The following MAP3K13 variants were observed in gnomAD, a reference collection of about 807,000 sequenced individuals.
MAP3K13 encodes leucine zipper-bearing kinase.
In MAP3K13, 52 loss-of-function variants were observed where a neutral mutation model predicts 104.0. The ratio of observed to expected loss-of-function variants is 0.50; its 90% CI spans 0.40 to 0.63. The LOEUF is 0.63. Among genes scored for constraint, MAP3K13 ranks in the 20% least tolerant of loss-of-function variants. MAP3K13 has a pLI of 0.00. For synonymous variants in MAP3K13, 394 were observed against 442.2 expected (o/e 0.89, Z 1.37); for missense variants, 914 against 1,218.5 (o/e 0.75, Z 3.72).
At chr3:185,453,614 C>CAAAAAA (rs1716014127) in intron 7 of MAP3K13, among the ~76,000 whole-genome samples, 1 of 151,346 alleles carries the variant, frequency 6.6e-6, no homozygotes, top group African/African-American at 2.4e-5. Flanking sequence ...ACTAAAAATA[C>CAAAAAA]AAAAATTAGC....
chr3:185,318,312 A>G (rs1398702032), intron 2 of MAP3K13, among the ~76,000 whole-genome samples: 1 of 152,234 alleles, frequency 6.6e-6, no homozygotes, highest in Non-Finnish European at 1.5e-5. Flanking sequence ...AAACATACCA[A>G]GTTCTTGCTC....
chr3:185,396,200 G>C (rs1301040277), intron 1 of MAP3K13, among the ~76,000 whole-genome samples: 1 of 151,770 alleles, frequency 6.6e-6, no homozygotes, highest in African/African-American at 2.4e-5. Flanking sequence ...GTGAAACCCC[G>C]TCTCTACTAA....
chr3:185,295,265 G>A lies in MAP3K13; in HGVS notation c.-86+9622G>A, dbSNP rs142717822. On this transcript the variant is annotated intron_variant, in intron 2 of 14. Transcript: ENST00000424227. ...CTGTCGCCCAGGCTGGAGTGCAGTG[G>A]TGCAATCTTGGCTCACTGCAACCTC... Among the ~76,000 whole-genome samples, 319 of 152,250 alleles carry A rather than the reference G, an allele frequency of 2.1e-3. 2 individuals carry two copies. The highest frequency in any genetic ancestry group is 7.0e-3 in the African/African-American group (291 of 41,530).
intron 2 of MAP3K13, among the ~76,000 whole-genome samples, chr3:185,319,543 G>A (rs1239301326): frequency 1.3e-5 from 2 of 152,198 alleles, no homozygotes; most frequent in African/African-American, 4.8e-5. Flanking sequence ...AGGGTGCCTT[G>A]GCACACCAGT....
Position 185,300,272 on chromosome 3 carries a change from C to T in MAP3K13, c.-86+14629C>T, listed in dbSNP as rs147356794. On this transcript the variant is annotated intron_variant, in intron 2 of 14. Coordinates refer to the MAP3K13 transcript ENST00000424227. ...TGGCACGATCTCGGCTTATTGCAAC[C>T]TCCGCCTCCCCGGTTCAAGCTATTC... Among the ~76,000 whole-genome samples, 74 of 151,456 alleles carry T rather than the reference C, an allele frequency of 4.9e-4. No individual in the cohort carries two copies. The East Asian group carries it at 0.013, about 26-fold the overall frequency.
chr3:185,476,064 A>G (rs1449221918), intron 11 of MAP3K13, among the ~76,000 whole-genome samples: 1 of 152,106 alleles, frequency 6.6e-6, no homozygotes, highest in African/African-American at 2.4e-5. Flanking sequence ...ACCACGACCA[A>G]TTTTACAACA....
chr3:185,395,067 G>A (rs1430533358), intron 1 of MAP3K13, among the ~76,000 whole-genome samples: 1 of 152,056 alleles, frequency 6.6e-6, no homozygotes, highest in Non-Finnish European at 1.5e-5. Flanking sequence ...GATATATTTA[G>A]TACTGATCTC....
chr3:185,460,335 C>G (rs1156295768), intron 7 of MAP3K13, among the ~76,000 whole-genome samples: 3 of 152,040 alleles, frequency 2.0e-5, no homozygotes, highest in Non-Finnish European at 4.4e-5. Context: ...TTTGGAGCAA[C>G]CCTATTAACT....
At chr3:185,397,032 CTTGT>C (rs1302112835) in intron 1 of MAP3K13, among the ~76,000 whole-genome samples, 1 of 84,582 alleles carries the variant, frequency 1.2e-5, no homozygotes, top group East Asian at 3.2e-4. Flanking sequence ...CGTATTCATT[CTTGT>C]TTGTTTTTTT....
chr3:185,478,599 CTT>C (rs1296843686), intron 12 of MAP3K13, among the ~76,000 whole-genome samples: 1 of 152,060 alleles, frequency 6.6e-6, no homozygotes, highest in Admixed American at 6.6e-5. Context: ...CATAAAATCT[CTT>C]TGTACTAGGC....
At chr3:185,407,446 C>T (rs943508365) in intron 1 of MAP3K13, among the ~76,000 whole-genome samples, 8 of 152,142 alleles carry the variant, frequency 5.3e-5, no homozygotes, top group Admixed American at 1.3e-4. Context: ...CAAAATAGAA[C>T]GTTATAACTA....
At chr3:185,407,598 T>G (rs114773801) in intron 1 of MAP3K13, among the ~76,000 whole-genome samples, 3,095 of 152,298 alleles carry the variant, frequency 0.02, 52 homozygotes, top group Non-Finnish European at 0.031. Flanking sequence ...CTTCTGGTGA[T>G]TCTACTATTG....
intron 2 of MAP3K13, among the ~76,000 whole-genome samples, chr3:185,348,376 T>C (rs546275746): frequency 1.3e-5 from 2 of 152,340 alleles, no homozygotes; most frequent in Non-Finnish European, 2.9e-5. Flanking sequence ...ACTGCTTCCA[T>C]TTTGAATGAT....
rs1014836960 is a variant in MAP3K13, at chr3:185,315,950, G to A, written c.-86+30307G>A. Among the ~76,000 whole-genome samples, 2 of 152,156 alleles carry A rather than the reference G, an allele frequency of 1.3e-5. No homozygotes were observed. The highest frequency in any genetic ancestry group is 2.9e-5 in the Non-Finnish European group (2 of 68,032). ...TCATTAAGGTATAGAAGATCAATTAGAGAAAGCCCTGAACAGAAAGGCAAT... is the reference window on the plus strand; with the variant it reads ...TCATTAAGGTATAGAAGATCAATTAAAGAAAGCCCTGAACAGAAAGGCAAT... On this transcript the variant is annotated intron_variant, in intron 2 of 14. Transcript: ENST00000424227. This position sits in a 1 kb window ranked among gnomAD's most constrained non-coding sequence, Gnocchi z 4.3.
At chr3:185,327,785 G>T (rs113116578) in intron 2 of MAP3K13, among the ~76,000 whole-genome samples, 2 of 152,086 alleles carry the variant, frequency 1.3e-5, no homozygotes, top group East Asian at 3.9e-4. Context: ...GGTGGCGGGC[G>T]TCTGTAGTCT....
At chr3:185,417,314 T>C (rs901395735) in intron 1 of MAP3K13, among the ~76,000 whole-genome samples, 4 of 152,238 alleles carry the variant, frequency 2.6e-5, no homozygotes, top group Non-Finnish European at 4.4e-5. Context: ...TGCAAGAGTT[T>C]TGATGCCTTC....
intron 2 of MAP3K13, among the ~76,000 whole-genome samples, chr3:185,337,513 G>A (rs1560053918): frequency 6.6e-6 from 1 of 152,198 alleles, no homozygotes; most frequent in South Asian, 2.1e-4. Context: ...GAATGCCAAC[G>A]CAGATGATAA....
At position 185,292,453 on chromosome 3, in the gene MAP3K13, G is replaced by A. The variant is rs191586560; in HGVS notation, c.-86+6810G>A. 370 of 162,536 alleles carry A rather than the reference G, an allele frequency of 2.3e-3. 2 individuals carry two copies. The highest frequency in any genetic ancestry group is 8.6e-3 in the African/African-American group (357 of 41,726). The allele number at this position is 162,536 out of a possible 1,614,324, so 10.1% of individuals were successfully genotyped here. A position where few individuals can be genotyped will look rare whatever the true frequency, so the allele number is the denominator to read the frequency against. On this transcript the variant is annotated intron_variant, in intron 2 of 14. Coordinates refer to the MAP3K13 transcript ENST00000424227. ...TAGTGGTTCTTATTCTGTCTGCTTC[G>A]TACTAGGTATATGGTAACTGAGAAA...
chr3:185,437,711 G>T, intron 3 of MAP3K13, 81 bp downstream of exon 3: 2 of 1,357,256 alleles, frequency 1.5e-6, no homozygotes, highest in Non-Finnish European at 1.0e-6. Context: ...TGCTTTGAGA[G>T]ATATTTCAAA....
Sources: gnomAD v4.1 joint callset for allele counts (sites outside exome capture counted in the v4.1 genomes callset) on GRCh38, gnomAD v4.1.1 for gene constraint, Gnocchi (gnomAD v3.1) non-coding constraint, MANE v1.5 for transcripts, NCBI Gene and HGNC (gene_info 2026-07-23, HGNC 2026-07-21) for gene names.